The following TTC19 variants were observed in gnomAD, a reference collection of about 807,000 sequenced individuals.
TTC19 encodes tetratricopeptide repeat domain 19.
A neutral mutation model predicts 49.5 loss-of-function variants in TTC19; 38 were observed. That is an observed-to-expected ratio of 0.77 (90% CI 0.59 to 1.01). The LOEUF is 1.01. Among genes scored for constraint, TTC19 ranks in the 50% least tolerant of loss-of-function variants. The pLI, the probability that TTC19 is intolerant of heterozygous loss-of-function variation, is 0.00. For synonymous variants in TTC19, 204 were observed against 185.2 expected, an observed-to-expected ratio of 1.10 and a Z score of -0.83; for missense variants, 475 against 477.7, an observed-to-expected ratio of 0.99 and a Z score of 0.05.
At chr17:16,016,053 C>T (rs1971204120) in intron 7 of TTC19, among the ~76,000 whole-genome samples, 1 of 152,128 alleles carries the variant, frequency 6.6e-6, no homozygotes, top group African/African-American at 2.4e-5. Context: ...TTTATTACCT[C>T]TCTCCTGTTT....
chr17:16,010,810 C>A (rs1375837097), intron 7 of TTC19, among the ~76,000 whole-genome samples: 1 of 152,178 alleles, frequency 6.6e-6, no homozygotes, highest in African/African-American at 2.4e-5. Context: ...CTGGTATTTA[C>A]CTTCACATTT....
chr17:16,039,491 G>A (rs1242300567), intron 2 of TTC19: 2 of 1,614,060 alleles, frequency 1.2e-6, no homozygotes, highest in East Asian at 4.5e-5. Context: ...TCACAACTGA[G>A]GTGTTGGCAG....
chr17:16,026,790 C>A, intron 9 of TTC19, 88 bp downstream of exon 9: 1 of 1,349,120 alleles, frequency 7.4e-7, no homozygotes, highest in Non-Finnish European at 1.1e-6. Context: ...GTAGGGAGGG[C>A]AAGGGCCAAC....
intron 7 of TTC19, among the ~76,000 whole-genome samples, chr17:16,011,975 C>G (rs937465365): frequency 6.6e-6 from 1 of 151,838 alleles, no homozygotes; most frequent in African/African-American, 2.4e-5. Flanking sequence ...GATGATATGG[C>G]CTTGATGCAT....
In TTC19 at chr17:16,028,818, CAAAA is replaced by C. The variant is rs59177775; in HGVS notation, c.*1321_*1324del. The C allele has an allele frequency of 6.5e-3, 640 of 98,352 alleles. 2 individuals carry two copies. The highest frequency in any genetic ancestry group is 0.027 in the African/African-American group (334 of 12,426). 6.1% of individuals were successfully genotyped at this position (98,352 alleles called of 1,614,324 possible). A position where few individuals can be genotyped will look rare whatever the true frequency, so the allele number is the denominator to read the frequency against. On this transcript the variant is annotated 3_prime_UTR_variant, in exon 10 of 10. Coordinates refer to ENST00000261647, the MANE Select transcript of TTC19 (RefSeq NM_017775.4). ...GTATCCCAGTAATCTTTGCATTTCT[CAAAA>C]AAAAAAAAAAAAAAAAAAAAAAAAC...
intron 2 of TTC19, among the ~76,000 whole-genome samples, chr17:16,001,568 G>C (rs570462377): frequency 6.0e-4 from 92 of 152,250 alleles, no homozygotes; most frequent in African/African-American, 2.0e-3. Context: ...ATCATTAGTT[G>C]TAATTAAGCT....
intron 7 of TTC19, among the ~76,000 whole-genome samples, chr17:16,018,275 C>T (rs1479295615): frequency 1.3e-5 from 2 of 152,128 alleles, no homozygotes; most frequent in African/African-American, 2.4e-5. Flanking sequence ...TCATTTTTAG[C>T]ATCCAGTTCT....
At chr17:16,036,954 C>T (rs2056515477) in intron 2 of TTC19, among the ~76,000 whole-genome samples, 1 of 152,230 alleles carries the variant, frequency 6.6e-6, no homozygotes, top group South Asian at 2.1e-4. Flanking sequence ...GTCTAGCTTT[C>T]AGCCTGTCTT....
chr17:16,009,904 A>G (rs950877152), intron 7 of TTC19, among the ~76,000 whole-genome samples: 3 of 152,170 alleles, frequency 2.0e-5, no homozygotes, highest in Non-Finnish European at 4.4e-5. Context: ...AAAAATAGGA[A>G]TGGAACAAAG....
chr17:16,040,722 G>A (rs1052731975), intron 2 of TTC19: 3 of 560,376 alleles, frequency 5.4e-6, no homozygotes, highest in Non-Finnish European at 9.8e-6. Context: ...AATAGGTAAG[G>A]TAGGAACATC....
chr17:16,003,278 T>A (rs1970795656), intron 4 of TTC19, among the ~76,000 whole-genome samples: 1 of 151,970 alleles, frequency 6.6e-6, no homozygotes, highest in Non-Finnish European at 1.5e-5. Flanking sequence ...TAAGATAAGG[T>A]CTTGCTCTGT....
intron 2 of TTC19, chr17:16,034,644 G>T: frequency 2.3e-6 from 2 of 885,716 alleles, no homozygotes; most frequent in Non-Finnish European, 3.5e-6. Context: ...ACATATTAAT[G>T]ATACAGAAAT....
At chr17:16,033,279 G>C (rs1972732615), downstream of TTC19, among the ~76,000 whole-genome samples, 1 of 141,072 alleles carries the variant, frequency 7.1e-6, no homozygotes, top group Non-Finnish European at 1.5e-5. Flanking sequence ...AGGTTGCTGT[G>C]AGCCAAGATA....
chr17:16,034,177 G>C (rs1172529797), downstream of TTC19, among the ~76,000 whole-genome samples: 2 of 152,152 alleles, frequency 1.3e-5, no homozygotes, highest in Non-Finnish European at 2.9e-5. Context: ...AATAGTCAAT[G>C]TTCGCTACCA....
chr17:16,039,441 G>A, intron 2 of TTC19: 1 of 1,613,750 alleles, frequency 6.2e-7, no homozygotes, highest in Non-Finnish European at 8.5e-7. Context: ...ACCTGAATGA[G>A]GTGATGGGTC....
downstream of TTC19, chr17:16,030,816 G>T (rs760371724): frequency 4.4e-5 from 8 of 183,866 alleles, no homozygotes; most frequent in Non-Finnish European, 9.2e-5. Context: ...CCAGTGATAG[G>T]AGGGTCTTGG....
At position 16,028,365 on chromosome 17, in the gene TTC19, A is replaced by G. The variant is rs545046068; in HGVS notation, c.*843A>G. The G allele has an allele frequency of 2.2e-6, 1 of 454,076 alleles. No homozygotes were observed. Among genetic ancestry groups the G allele is most frequent in the Non-Finnish European group, 4.4e-6 (1 of 226,778 alleles). 28.1% of individuals were successfully genotyped at this position (454,076 alleles called of 1,614,324 possible). On this transcript the variant is annotated 3_prime_UTR_variant, in exon 10 of 10. Transcript: ENST00000261647. ...ATATTTTAAAACTCTTCGTAATTCT[A>G]ATGTGTACTGCTGGTATAGCTGAAC...
intron 6 of TTC19, 145 bp from the exon 7 acceptor site, chr17:16,006,329 G>A (rs529800398): frequency 1.5e-6 from 1 of 673,584 alleles, no homozygotes; most frequent in African/African-American, 1.8e-5. Flanking sequence ...AGAATCGCTT[G>A]AACCCCGGAG....
intron 2 of TTC19, 42 bp downstream of exon 2, chr17:16,000,287 C>A (rs1426657452): frequency 1.2e-5 from 19 of 1,591,208 alleles, no homozygotes; most frequent in Non-Finnish European, 1.6e-5. Context: ...AGCGCGGTAG[C>A]CTTTGTGAGC....
Sources: gnomAD v4.1 joint callset for allele counts (sites outside exome capture counted in the v4.1 genomes callset) on GRCh38, gnomAD v4.1.1 for gene constraint, MANE v1.5 for transcripts, NCBI Gene and HGNC (gene_info 2026-07-23, HGNC 2026-07-21) for gene names.